The following RAP1GAP2 variants were observed in gnomAD, a reference collection of about 807,000 sequenced individuals.
RAP1GAP2 encodes the protein rap1 GTPase-activating protein 2.
RAP1GAP2 carries 27 observed loss-of-function variants against 95.0 expected under a neutral mutation model. The ratio of observed to expected loss-of-function variants is 0.28; its 90% CI spans 0.21 to 0.39. The LOEUF is 0.39. Ranked by LOEUF, RAP1GAP2 falls within the 10% of genes least tolerant of loss-of-function variation. The pLI, the probability that RAP1GAP2 is intolerant of heterozygous loss-of-function variation, is 1.00. For missense variants in RAP1GAP2, 771 were observed against 970.0 expected, an observed-to-expected ratio of 0.79 and a Z score of 2.72; for synonymous variants, 373 against 380.9, an observed-to-expected ratio of 0.98 and a Z score of 0.24.
chr17:3,002,798 C>T (rs911385568), intron 14 of RAP1GAP2, among the ~76,000 whole-genome samples: 1 of 152,202 alleles, frequency 6.6e-6, no homozygotes, highest in Non-Finnish European at 1.5e-5. Context: ...CCTTCCCTCT[C>T]TGGGCCTCTA....
chr17:2,769,580 CATAAA>C (rs2068349481), intron 1 of RAP1GAP2, among the ~76,000 whole-genome samples: 1 of 151,208 alleles, frequency 6.6e-6, no homozygotes, highest in Non-Finnish European at 1.5e-5. Context: ...AATGAAATAA[CATAAA>C]TAAAATAAAA....
chr17:2,786,742 T>G lies in RAP1GAP2; in HGVS notation c.-14+9464T>G, dbSNP rs531329821. On this transcript the variant is annotated intron_variant, in intron 1 of 24. Coordinates refer to the RAP1GAP2 transcript ENST00000540393. ...CTCACTGCACCCTCTGCCTCCCGGA[T>G]TCAAGCGACTCTCCTGCCCCAGTCT... Among the ~76,000 whole-genome samples the G allele has an allele frequency of 3.3e-5, 5 of 151,878 alleles. No individual in the cohort carries two copies. The South Asian group carries it at 1.0e-3, about 32-fold the overall frequency.
chr17:3,016,747 T>C (rs1383622434), intron 17 of RAP1GAP2, among the ~76,000 whole-genome samples: 2 of 152,236 alleles, frequency 1.3e-5, no homozygotes, highest in Non-Finnish European at 2.9e-5. Context: ...CTCAGAGCCC[T>C]GTGTGTATTC....
upstream of RAP1GAP2, among the ~76,000 whole-genome samples, chr17:2,775,919 C>A (rs1357717886): frequency 6.6e-6 from 1 of 152,230 alleles, no homozygotes; most frequent in Admixed American, 6.5e-5. Flanking sequence ...TGGCTCATGC[C>A]TGTCATCTCA....
intron 2 of RAP1GAP2, among the ~76,000 whole-genome samples, chr17:2,858,269 G>C (rs537038714): frequency 1.3e-5 from 2 of 152,304 alleles, no homozygotes; most frequent in South Asian, 4.1e-4. Flanking sequence ...GGAAGATATG[G>C]ATTCTCTCAT....
At chr17:2,879,457 G>A (rs1191530161) in intron 2 of RAP1GAP2, among the ~76,000 whole-genome samples, 1 of 151,754 alleles carries the variant, frequency 6.6e-6, no homozygotes, top group Middle Eastern at 3.4e-3. Flanking sequence ...GCTGGGCGTG[G>A]CAGCTCATGC....
At chr17:2,964,428 T>C in intron 7 of RAP1GAP2, 1 of 250,762 alleles carries the variant, frequency 4.0e-6, no homozygotes, top group Non-Finnish European at 7.8e-6. Flanking sequence ...CCTTGGCCTC[T>C]TACCTCCTTC....
Position 2,905,266 on chromosome 17 carries a change from C to T in RAP1GAP2, c.81-18C>T. The T allele has an allele frequency of 6.2e-7, 1 of 1,612,964 alleles. No individual in the cohort carries two copies. Among genetic ancestry groups the T allele is most frequent in the Non-Finnish European group, 8.5e-7 (1 of 1,179,220 alleles). ...GGCGCAGGCAGGTCCTCACTCACCT[C>T]TTTTGGCCTCTTCACAGGAAGCAGG... On this transcript the variant is annotated intron_variant, in intron 2 of 24. Coordinates refer to ENST00000254695, the MANE Select transcript of RAP1GAP2 (RefSeq NM_015085.5).
chr17:2,791,176 G>T (rs1333671393), intron 1 of RAP1GAP2, among the ~76,000 whole-genome samples: 1 of 152,216 alleles, frequency 6.6e-6, no homozygotes. Context: ...CTGCACTCCA[G>T]CCTGGGTGAC....
intron 13 of RAP1GAP2, among the ~76,000 whole-genome samples, chr17:2,996,326 C>T (rs1278795922): frequency 2.0e-5 from 3 of 152,200 alleles, no homozygotes; most frequent in African/African-American, 7.2e-5. Flanking sequence ...CTGGCTGTTA[C>T]AAGCCCAGTT....
upstream of RAP1GAP2, among the ~76,000 whole-genome samples, chr17:2,792,084 T>C (rs1238775708): frequency 7.7e-6 from 1 of 129,174 alleles, no homozygotes; most frequent in East Asian, 2.8e-4. Context: ...GGTCTTGAAC[T>C]CCTGACCTCA....
chr17:2,886,188 T>TGAGCCGGAGTCTCGC (rs2073498337), intron 2 of RAP1GAP2, among the ~76,000 whole-genome samples: 1 of 133,980 alleles, frequency 7.5e-6, no homozygotes, highest in South Asian at 2.2e-4. Context: ...TTTTTTTTTT[T>TGAGCCGGAGTCTCGC]TTGAGCCGGA....
At chr17:2,927,131 G>A (rs2042981826) in intron 3 of RAP1GAP2, among the ~76,000 whole-genome samples, 1 of 151,022 alleles carries the variant, frequency 6.6e-6, no homozygotes, top group South Asian at 2.1e-4. Context: ...CCATACCTCT[G>A]TTTTCAAGGC....
At chr17:2,831,233 C>T (rs948889435) in intron 2 of RAP1GAP2, among the ~76,000 whole-genome samples, 19 of 148,200 alleles carry the variant, frequency 1.3e-4, no homozygotes, top group East Asian at 8.2e-4. Flanking sequence ...CCTGCCACCA[C>T]GCCCAGCTAC....
At chr17:2,822,627 GTTTTTTTTTT>G (rs66503004) in intron 2 of RAP1GAP2, among the ~76,000 whole-genome samples, 2,393 of 127,840 alleles carry the variant, frequency 0.019, 61 homozygotes, top group African/African-American at 0.059. Context: ...GTTTTTTTTT[GTTTTTTTTTT>G]TTTTTTTTTT....
intron 2 of RAP1GAP2, among the ~76,000 whole-genome samples, chr17:2,806,511 G>A (rs914766281): frequency 6.6e-6 from 1 of 151,108 alleles, no homozygotes; most frequent in Non-Finnish European, 1.5e-5. Context: ...TCCTGCCTCA[G>A]CCTCCCGAGT....
rs1004398582 is a variant in RAP1GAP2 at position 2,871,604 on chromosome 17, G to A, written c.81-33680G>A. 2.6e-5 allele frequency among the ~76,000 whole-genome samples: 4 copies of A among 152,164 alleles called. No individual in the cohort carries two copies. Among genetic ancestry groups the A allele is most frequent in the African/African-American group, 9.6e-5 (4 of 41,456 alleles). ...CTGCTTTGGAGTTGGTGCCAGCCAC[G>A]GGGGTGCCAGCACGGCGTGTTGGGT... On this transcript the variant is annotated intron_variant, in intron 2 of 24. Coordinates refer to ENST00000254695, the MANE Select transcript of RAP1GAP2 (RefSeq NM_015085.5). This position sits in a 1 kb window ranked among gnomAD's most constrained non-coding sequence, Gnocchi z 5.0.
intron 23 of RAP1GAP2, among the ~76,000 whole-genome samples, 189 bp from the exon 24 acceptor site, chr17:3,032,222 C>A (rs2047341702): frequency 1.3e-5 from 2 of 151,764 alleles, no homozygotes; most frequent in African/African-American, 4.8e-5. Context: ...GTCCCCCAGT[C>A]CCTTTCTGAG....
At chr17:2,889,090 A>G (rs1218897999) in intron 2 of RAP1GAP2, among the ~76,000 whole-genome samples, 4 of 152,086 alleles carry the variant, frequency 2.6e-5, no homozygotes, top group Non-Finnish European at 4.4e-5. Context: ...TCCCTCAGAT[A>G]TGTACCCTGC....
Sources: allele counts gnomAD v4.1 joint callset (sites outside exome capture counted in the v4.1 genomes callset), GRCh38; gene constraint gnomAD v4.1.1; non-coding constraint Gnocchi (gnomAD v3.1); transcripts MANE v1.5; gene names NCBI Gene and HGNC (gene_info 2026-07-23, HGNC 2026-07-21).